Variants in TOMM7 observed in about 807,000 individuals in gnomAD.
The protein encoded by TOMM7 is mitochondrial import receptor subunit TOM7 homolog.
A neutral mutation model predicts 9.5 loss-of-function variants in TOMM7; 8 were observed. That is an observed-to-expected ratio of 0.84 (90% CI 0.49 to 1.51). The LOEUF is 1.51. TOMM7 is among the 40% of genes most tolerant of loss of function. The pLI is 0.00. For missense variants in TOMM7, 74 were observed against 63.7 expected, an observed-to-expected ratio of 1.16 and a Z score of -0.55; for synonymous variants, 27 against 21.4, an observed-to-expected ratio of 1.26 and a Z score of -0.72.
chr7:22,813,914 T>C (rs1417958404), intron 2 of TOMM7, among the ~76,000 whole-genome samples: 1 of 82,490 alleles, frequency 1.2e-5, no homozygotes, highest in African/African-American at 7.0e-5. Context: ...GACAGTTTTG[T>C]AAAGTTTATT....
At chr7:22,815,911 C>T (rs1782311302) in intron 2 of TOMM7, among the ~76,000 whole-genome samples, 1 of 152,064 alleles carries the variant, frequency 6.6e-6, no homozygotes, top group South Asian at 2.1e-4. Flanking sequence ...GAAGGGGCGA[C>T]ATTTGAGATT....
intron 1 of TOMM7, among the ~76,000 whole-genome samples, chr7:22,821,267 C>T (rs752835832): frequency 2.0e-5 from 3 of 151,834 alleles, no homozygotes; most frequent in Non-Finnish European, 4.4e-5. Flanking sequence ...AAATATTAGC[C>T]CGGCATGGTG....
intron 1 of TOMM7, among the ~76,000 whole-genome samples, chr7:22,820,215 A>G (rs1782368612): frequency 6.6e-6 from 1 of 152,224 alleles, no homozygotes; most frequent in African/African-American, 2.4e-5. Flanking sequence ...TTAAATATAC[A>G]GTATAAAGGA....
In TOMM7 at chr7:22,821,596, A is replaced by G. The variant is rs114981426; in HGVS notation, c.103+1081T>C. On this transcript the variant is annotated intron_variant, in intron 1 of 2. Transcript: ENST00000358435. ...AAACCCCGTCTCTACTAAAAATATA[A>G]ACATTAGCCGCGAGCGGTGGCTGCA... is the stretch of plus-strand genomic sequence containing the variant. Among the ~76,000 whole-genome samples the G allele has an allele frequency of 3.2e-3, 493 of 151,930 alleles. 8 individuals carry two copies. Among genetic ancestry groups the G allele is most frequent in the African/African-American group, 0.011 (471 of 41,444 alleles).
intron 2 of TOMM7, among the ~76,000 whole-genome samples, chr7:22,816,868 C>G (rs991770059): frequency 4.6e-5 from 7 of 152,200 alleles, no homozygotes; most frequent in African/African-American, 7.2e-5. Flanking sequence ...ATAACCTGCT[C>G]TGAAGGACTG....
chr7:22,822,781 G>T lies in TOMM7; in HGVS notation c.-2C>A, dbSNP rs757962007. On this transcript the variant is annotated 5_prime_UTR_variant, in exon 1 of 3. Coordinates refer to ENST00000358435, the MANE Select transcript of TOMM7 (RefSeq NM_019059.5). ...GGCCTCTTTGCTCAGCTTCACCATG[G>T]CGACGGCCGTGTGGCGCAGGGAGGA... 6.2e-6 allele frequency: 10 copies of T among 1,613,840 alleles called. No homozygotes were observed. Among genetic ancestry groups the T allele is most frequent in the Non-Finnish European group, 8.5e-6 (10 of 1,179,726 alleles).
At chr7:22,813,334 A>G (rs1460297870) in intron 2 of TOMM7, 149 bp from the exon 3 acceptor site, 2 of 668,580 alleles carry the variant, frequency 3.0e-6, no homozygotes, top group Non-Finnish European at 5.1e-6. Context: ...ATCCCACTGA[A>G]CAAACAAATT....
intron 1 of TOMM7, chr7:22,818,256 G>C (rs970494545): frequency 2.0e-6 from 1 of 494,938 alleles, no homozygotes; most frequent in Non-Finnish European, 3.7e-6. Context: ...TAATCAGTAG[G>C]AAGAACAAGC....
Position 22,818,058 on chromosome 7 carries a change from G to T in TOMM7, c.104-10C>A. 6.2e-7 allele frequency: 1 copy of T among 1,613,310 alleles called. No individual in the cohort carries two copies. ...GCACCCCTCTTAAATCCTGAATCAA[G>T]GAAGACAGAAGAGAAAAAATATTAA... is the stretch of plus-strand genomic sequence containing the variant. On this transcript the variant is annotated splice_polypyrimidine_tract_variant and intron_variant, in intron 1 of 2. Coordinates refer to ENST00000358435, the MANE Select transcript of TOMM7 (RefSeq NM_019059.5).
chr7:22,814,736 G>T (rs1782295068), intron 2 of TOMM7, among the ~76,000 whole-genome samples: 1 of 152,146 alleles, frequency 6.6e-6, no homozygotes, highest in Non-Finnish European at 1.5e-5. Flanking sequence ...CATACAATGA[G>T]TCATCCTGGG....
intron 2 of TOMM7, among the ~76,000 whole-genome samples, chr7:22,815,979 G>C (rs966043167): frequency 9.9e-5 from 15 of 152,130 alleles, no homozygotes; most frequent in Admixed American, 6.5e-5. Context: ...AAGCATTCCA[G>C]GCTGAGGGAG....
At chr7:22,814,349 CAAAAAAAAA>C (rs58506942) in intron 2 of TOMM7, among the ~76,000 whole-genome samples, 2 of 91,022 alleles carry the variant, frequency 2.2e-5, no homozygotes, top group Non-Finnish European at 4.2e-5. Context: ...GACTCCGACT[CAAAAAAAAA>C]AAAAAAAAAA....
In TOMM7 at chr7:22,822,584, T is replaced by A. The variant is rs533423320; in HGVS notation, c.103+93A>T. 1.5e-5 allele frequency: 17 copies of A among 1,142,330 alleles called. 1 individual carries two copies. In the South Asian group the frequency reaches 2.2e-4, roughly 15 times the overall value. 70.8% of individuals were successfully genotyped at this position (1,142,330 alleles called of 1,614,324 possible). On this transcript the variant is annotated intron_variant, in intron 1 of 2. Transcript: ENST00000358435. The stretch of plus-strand genomic sequence containing the variant: ...GGGCCGTGCACGGCAGTGTCCCCTA[T>A]TTTTCTCTCCCTCCCCCGACGGCCA...
chr7:22,822,141 G>C, intron 1 of TOMM7: 2 of 1,549,814 alleles, frequency 1.3e-6, no homozygotes, highest in Non-Finnish European at 1.7e-6. Context: ...TTTCTCTACG[G>C]CTGTTTCCTC....
chr7:22,818,678 T>C (rs1282735944), intron 1 of TOMM7, among the ~76,000 whole-genome samples: 1 of 152,222 alleles, frequency 6.6e-6, no homozygotes, highest in African/African-American at 2.4e-5. Flanking sequence ...CTATCTTTCA[T>C]TATTAGTCAT....
At chr7:22,819,359 G>A (rs59270316) in intron 1 of TOMM7, among the ~76,000 whole-genome samples, 8,258 of 145,856 alleles carry the variant, frequency 0.057, 704 homozygotes, top group African/African-American at 0.2. Context: ...CACAGATGTT[G>A]GTATAAAACA....
chr7:22,820,223 G>C (rs1782368723), intron 1 of TOMM7, among the ~76,000 whole-genome samples: 1 of 152,094 alleles, frequency 6.6e-6, no homozygotes, highest in Non-Finnish European at 1.5e-5. Flanking sequence ...ACAGTATAAA[G>C]GAAAAGACAA....
intron 1 of TOMM7, among the ~76,000 whole-genome samples, chr7:22,820,994 G>C (rs1203731990): frequency 2.0e-5 from 3 of 152,162 alleles, no homozygotes; most frequent in Non-Finnish European, 4.4e-5. Context: ...TAAAACCATA[G>C]CATTTTAAAA....
At chr7:22,814,913 C>A (rs185291812) in intron 2 of TOMM7, among the ~76,000 whole-genome samples, 4 of 152,110 alleles carry the variant, frequency 2.6e-5, no homozygotes, top group Non-Finnish European at 5.9e-5. Flanking sequence ...ATAAATTTTA[C>A]GTTAATAAAA....
Sources: allele counts gnomAD v4.1 joint callset (sites outside exome capture counted in the v4.1 genomes callset), GRCh38; gene constraint gnomAD v4.1.1; transcripts MANE v1.5; gene names NCBI Gene and HGNC (gene_info 2026-07-23, HGNC 2026-07-21).